The following NLGN4X variants were observed in gnomAD, a reference collection of about 807,000 sequenced individuals.
NLGN4X encodes the protein neuroligin-4, X-linked.
Under a neutral mutation model 40.3 loss-of-function variants are expected in NLGN4X, and 3 were observed. The ratio of observed to expected loss-of-function variants is 0.07; its 90% CI spans 0.03 to 0.19. The LOEUF is 0.19. Ranked by LOEUF, NLGN4X falls within the 10% of genes least tolerant of loss-of-function variation. The probability of loss-of-function intolerance (pLI) is 1.00; values close to 1 mark genes in which losing one functional copy is unlikely to be tolerated. For synonymous variants in NLGN4X, 270 were observed against 306.8 expected (o/e 0.88, Z 1.25); for missense variants, 382 against 708.3 (o/e 0.54, Z 5.23).
At chrX:5,950,332 A>G (rs1432653181) in intron 3 of NLGN4X, among the ~76,000 whole-genome samples, 1 of 112,331 alleles carries the variant, frequency 8.9e-6, no homozygotes, top group African/African-American at 3.2e-5. Context: ...TTTTGTCTCT[A>G]TTGTCTGCTG....
chrX:6,153,261 A>G (rs2040201437), intron 1 of NLGN4X, among the ~76,000 whole-genome samples: 1 of 111,567 alleles, frequency 9.0e-6, no homozygotes, highest in Admixed American at 9.6e-5. Flanking sequence ...GAACAATAAT[A>G]CAATGGGGGG....
chrX:6,074,558 G>C (rs184728654), intron 2 of NLGN4X, among the ~76,000 whole-genome samples: 116 of 112,042 alleles, frequency 1.0e-3, no homozygotes, highest in African/African-American at 3.6e-3. Context: ...TTATCTTGCA[G>C]CAGGTTGAAG....
chrX:6,005,050 C>T (rs1281391333), intron 3 of NLGN4X, among the ~76,000 whole-genome samples: 1 of 112,205 alleles, frequency 8.9e-6, no homozygotes, highest in African/African-American at 3.2e-5. Flanking sequence ...TCTGAAACTG[C>T]ACTAGTTTAC....
chrX:5,972,768 G>A lies in NLGN4X; in HGVS notation c.625+56512C>T, dbSNP rs1173077513. Among the ~76,000 whole-genome samples, 28 of 96,670 alleles carry A rather than the reference G, an allele frequency of 2.9e-4. 1 individual carries two copies. Among genetic ancestry groups the A allele is most frequent in the South Asian group, 1.8e-3 (3 of 1,671 alleles). The allele number at this position is 96,670 out of a possible 115,157, so 83.9% of individuals were successfully genotyped here. Reference sequence around the variant, plus strand: ...GGAAGACAAGGTGGGGGGCGGGGGCGGGGTGGGGGCGGGGATGTCTCTTGA... The same window carrying A: ...GGAAGACAAGGTGGGGGGCGGGGGCAGGGTGGGGGCGGGGATGTCTCTTGA... On this transcript the variant is annotated intron_variant, in intron 3 of 5. Coordinates refer to ENST00000381095, the MANE Select transcript of NLGN4X (RefSeq NM_181332.3).
chrX:6,054,055 A>T (rs149997499), intron 2 of NLGN4X, among the ~76,000 whole-genome samples: 325 of 112,422 alleles, frequency 2.9e-3, no homozygotes, highest in African/African-American at 0.01. Context: ...CACTGTTAGC[A>T]TGAGTTAAGA....
intron 2 of NLGN4X, among the ~76,000 whole-genome samples, chrX:6,082,262 A>C (rs1227389709): frequency 9.0e-6 from 1 of 111,729 alleles, no homozygotes; most frequent in Non-Finnish European, 1.9e-5. Flanking sequence ...AACGTCAGAC[A>C]CAGGGGCACA....
In NLGN4X at chrX:5,891,807, G is replaced by C. The variant is rs1415264232; in HGVS notation, c.*1010C>G. 6.8e-6 allele frequency: 1 copy of C among 147,491 alleles called. No individual in the cohort carries two copies. Among genetic ancestry groups the C allele is most frequent in the African/African-American group, 3.2e-5 (1 of 31,358 alleles). The allele number at this position is 147,491 out of a possible 1,213,427, so 12.2% of individuals were successfully genotyped here. ...ATTTCATGAAGGCTAACACGTACAA[G>C]TCAAAAGTTTTTCAAAACAGTGGTC... On this transcript the variant is annotated 3_prime_UTR_variant, in exon 6 of 6. Coordinates refer to ENST00000381095, the MANE Select transcript of NLGN4X (RefSeq NM_181332.3).
At position 5,892,683 on chromosome X, in the gene NLGN4X, T is replaced by C. The variant is rs1253181974; in HGVS notation, c.*134A>G. On this transcript the variant is annotated 3_prime_UTR_variant, in exon 6 of 6. Coordinates refer to ENST00000381095, the MANE Select transcript of NLGN4X (RefSeq NM_181332.3). ...GGATGACTGCCTTTTTGCATTTTTG[T>C]CTTAAGTCAGTGGGACAAAAACATT... 1 of 952,807 alleles carries C rather than the reference T, an allele frequency of 1.0e-6. No homozygotes were observed. Among genetic ancestry groups the C allele is most frequent in the Admixed American group, 2.7e-5 (1 of 36,484 alleles). 78.5% of individuals were successfully genotyped at this position (952,807 alleles called of 1,213,427 possible). A position where few individuals can be genotyped will look rare whatever the true frequency, so the allele number is the denominator to read the frequency against.
chrX:5,902,450 G>A lies in NLGN4X; in HGVS notation c.1601+627C>T, dbSNP rs375058623. Among the ~76,000 whole-genome samples, 11 of 110,445 alleles carry A rather than the reference G, an allele frequency of 1.0e-4. No homozygotes were observed. The East Asian group carries it at 1.1e-3, about 11-fold the overall frequency. ...GAGGATCACATGAACCCATGAGCTC[G>A]AGGCTTCAGTGAGCTATGATTGCGC... On this transcript the variant is annotated intron_variant, in intron 5 of 5. Transcript: ENST00000381095.
chrX:6,036,594 C>CA (rs2037010629), intron 2 of NLGN4X, among the ~76,000 whole-genome samples: 1 of 89,018 alleles, frequency 1.1e-5, no homozygotes, highest in Non-Finnish European at 2.2e-5. Context: ...AAGAATAAAC[C>CA]CAGCTTGTGG....
chrX:6,128,305 A>G (rs2039604381), intron 2 of NLGN4X, among the ~76,000 whole-genome samples: 1 of 111,711 alleles, frequency 9.0e-6, no homozygotes, highest in African/African-American at 3.3e-5. Context: ...ATTATCTTCT[A>G]TTTTACATAA....
intron 3 of NLGN4X, among the ~76,000 whole-genome samples, chrX:5,975,992 G>A (rs2035167549): frequency 9.0e-6 from 1 of 111,084 alleles, no homozygotes; most frequent in Non-Finnish European, 1.9e-5. Flanking sequence ...AATTCACAAA[G>A]CAGATTCCAG....
intron 3 of NLGN4X, among the ~76,000 whole-genome samples, chrX:5,972,220 T>A (rs1444107727): frequency 1.8e-5 from 2 of 110,863 alleles, no homozygotes; most frequent in African/African-American, 6.6e-5. Flanking sequence ...TGGGTGTGTG[T>A]GCATTCCCCA....
chrX:5,975,089 C>G (rs1052469202), intron 3 of NLGN4X, among the ~76,000 whole-genome samples: 1 of 111,803 alleles, frequency 8.9e-6, no homozygotes, highest in Non-Finnish European at 1.9e-5. Flanking sequence ...CTTCATCATG[C>G]TACTCACAAC....
At chrX:6,048,847 A>T (rs1204564581) in intron 2 of NLGN4X, among the ~76,000 whole-genome samples, 3 of 75,921 alleles carry the variant, frequency 4.0e-5, no homozygotes, top group South Asian at 1.7e-3. Flanking sequence ...TCTGTCAGGG[A>T]GGGCGGGGGG....
At chrX:6,227,108 C>G (rs57268527) in intron 1 of NLGN4X, 4,103 of 112,320 alleles carry the variant, frequency 0.037, 191 homozygotes, top group African/African-American at 0.12. Flanking sequence ...TGAGCCGAGC[C>G]GCGCGGGAAT....
chrX:5,961,698 A>G (rs1303643656), intron 3 of NLGN4X, among the ~76,000 whole-genome samples: 1 of 112,216 alleles, frequency 8.9e-6, no homozygotes, highest in Admixed American at 9.5e-5. Context: ...TAAAATGTCA[A>G]TGTCAATTTG....
chrX:6,031,771 T>C (rs1339025691), intron 2 of NLGN4X, among the ~76,000 whole-genome samples: 1 of 101,523 alleles, frequency 9.8e-6, no homozygotes, highest in African/African-American at 3.7e-5. Context: ...GTACTTTTTT[T>C]GTTGCTTCTC....
chrX:6,133,941 G>T (rs1291596663), intron 2 of NLGN4X, among the ~76,000 whole-genome samples: 1 of 111,729 alleles, frequency 9.0e-6, no homozygotes, highest in Non-Finnish European at 1.9e-5. Context: ...TCTTTGTAGT[G>T]TGAAAGCAGA....
Sources: gnomAD v4.1 joint callset for allele counts (sites outside exome capture counted in the v4.1 genomes callset) on GRCh38, gnomAD v4.1.1 for gene constraint, MANE v1.5 for transcripts, NCBI Gene and HGNC (gene_info 2026-07-23, HGNC 2026-07-21) for gene names.